ARHGAP24: variants seen among roughly 807,000 people sequenced by gnomAD.
The protein encoded by ARHGAP24 is rho GTPase-activating protein 24.
A neutral mutation model predicts 76.4 loss-of-function variants in ARHGAP24; 50 were observed. That is an observed-to-expected ratio of 0.65 (90% confidence interval 0.52 to 0.83). The LOEUF is 0.83. ARHGAP24 is among the 40% of genes least tolerant of loss of function. The pLI is 0.00. For missense variants in ARHGAP24, 930 were observed against 914.2 expected (o/e 1.02, Z -0.22); for synonymous variants, 345 against 323.3 (o/e 1.07, Z -0.72).
chr4:85,816,619 G>A (rs950950330), intron 3 of ARHGAP24, among the ~76,000 whole-genome samples: 6 of 151,864 alleles, frequency 4.0e-5, no homozygotes, highest in African/African-American at 9.7e-5. Flanking sequence ...AACTATGATC[G>A]TATGGTCATT....
intron 2 of ARHGAP24, among the ~76,000 whole-genome samples, chr4:85,628,333 G>T (rs185309860): frequency 1.3e-5 from 2 of 152,120 alleles, no homozygotes; most frequent in Admixed American, 1.3e-4. Context: ...TCATATTATT[G>T]CAGCTGGAAA....
At chr4:85,513,460 T>C (rs575486753) in intron 1 of ARHGAP24, among the ~76,000 whole-genome samples, 2 of 152,254 alleles carry the variant, frequency 1.3e-5, no homozygotes, top group Non-Finnish European at 2.9e-5. Flanking sequence ...CTTTAAAAAA[T>C]GGGACATCTA....
At chr4:85,552,575 T>C (rs1726181879) in intron 1 of ARHGAP24, among the ~76,000 whole-genome samples, 1 of 152,174 alleles carries the variant, frequency 6.6e-6, no homozygotes, top group South Asian at 2.1e-4. Context: ...ATATTTTTGT[T>C]AACTTTGTGC....
intron 3 of ARHGAP24, among the ~76,000 whole-genome samples, chr4:85,909,218 AAC>A (rs1487053384): frequency 6.6e-6 from 1 of 152,164 alleles, no homozygotes; most frequent in Non-Finnish European, 1.5e-5. Context: ...ACCATAGAGA[AAC>A]ACAGTGATCT....
At chr4:85,998,484 T>C (rs989805169) in intron 9 of ARHGAP24, among the ~76,000 whole-genome samples, 1 of 152,156 alleles carries the variant, frequency 6.6e-6, no homozygotes, top group African/African-American at 2.4e-5. Flanking sequence ...ACAACTTACA[T>C]CTTTACAATT....
chr4:85,972,111 T>G lies in ARHGAP24; in HGVS notation c.675T>G (p.Tyr225Ter). 3 of 1,614,036 alleles carry G rather than the reference T, an allele frequency of 1.9e-6. No homozygotes were observed. Among genetic ancestry groups the G allele is most frequent in the Non-Finnish European group, 8.5e-7 (1 of 1,179,976 alleles). The change falls in exon 6 of 10, where the codon TAT (tyrosine) becomes TAG (stop). Residue 225 changes from tyrosine (Y) to a stop codon, truncating the protein, a stop_gained. Coordinates refer to ENST00000395184, the MANE Select transcript of ARHGAP24 (RefSeq NM_001025616.3). LOFTEE classifies it high-confidence loss of function. ...LRELPEPVIP[Y>*]AKYEDFLSCA... The stretch of plus-strand genomic sequence containing the variant: ...AACTTCCAGAACCAGTTATTCCTTA[T>G]GCGAAGTATGAAGATTTTTTGTCAT...
At chr4:85,935,826 CT>C (rs1338443283) in intron 4 of ARHGAP24, among the ~76,000 whole-genome samples, 1 of 152,184 alleles carries the variant, frequency 6.6e-6, no homozygotes, top group African/African-American at 2.4e-5. Context: ...CCTTGTAACA[CT>C]TTCTTAATCC....
intron 3 of ARHGAP24, among the ~76,000 whole-genome samples, chr4:85,794,620 T>G (rs1318089392): frequency 6.6e-6 from 1 of 152,106 alleles, no homozygotes; most frequent in Non-Finnish European, 1.5e-5. Context: ...GTGGCCAGGA[T>G]TACAGGCATG....
At chr4:85,742,697 C>G (rs1044888678) in intron 3 of ARHGAP24, among the ~76,000 whole-genome samples, 7 of 152,110 alleles carry the variant, frequency 4.6e-5, no homozygotes, top group Non-Finnish European at 1.0e-4. Context: ...TTCTGTGACT[C>G]CAAAGTATGT....
At chr4:85,818,714 A>G (rs1729346979) in intron 3 of ARHGAP24, among the ~76,000 whole-genome samples, 1 of 152,160 alleles carries the variant, frequency 6.6e-6, no homozygotes, top group Admixed American at 6.5e-5. Flanking sequence ...GTTTTAGATA[A>G]TATATATTTT....
chr4:85,618,719 C>T (rs187198463), intron 2 of ARHGAP24, among the ~76,000 whole-genome samples: 1 of 152,104 alleles, frequency 6.6e-6, no homozygotes, highest in Admixed American at 6.6e-5. Context: ...TTGCACTTCC[C>T]TGATGACAAG....
chr4:85,887,464 G>A (rs1432069479), intron 3 of ARHGAP24, among the ~76,000 whole-genome samples: 1 of 152,126 alleles, frequency 6.6e-6, no homozygotes, highest in Non-Finnish European at 1.5e-5. Context: ...AAAAGAGTAA[G>A]AGACTGAGAA....
intron 2 of ARHGAP24, among the ~76,000 whole-genome samples, chr4:85,710,713 T>C (rs1724494196): frequency 6.6e-6 from 1 of 152,060 alleles, no homozygotes; most frequent in Non-Finnish European, 1.5e-5. Flanking sequence ...AAAATACAGG[T>C]CGACATCACT....
At chr4:85,684,831 G>T (rs1462832160) in intron 2 of ARHGAP24, among the ~76,000 whole-genome samples, 1 of 152,176 alleles carries the variant, frequency 6.6e-6, no homozygotes, top group Non-Finnish European at 1.5e-5. Flanking sequence ...GCAACAGAGA[G>T]TCTGAGAGTC....
chr4:85,574,779 G>A (rs1185776715), intron 2 of ARHGAP24, among the ~76,000 whole-genome samples: 1 of 152,092 alleles, frequency 6.6e-6, no homozygotes, highest in East Asian at 1.9e-4. Context: ...AATTTTTATT[G>A]CTATGAGAAC....
At chr4:85,922,722 G>A (rs768910677) in intron 3 of ARHGAP24, among the ~76,000 whole-genome samples, 2 of 152,080 alleles carry the variant, frequency 1.3e-5, no homozygotes, top group East Asian at 3.9e-4. Context: ...AAGGTATAAC[G>A]AAACCATGCC....
In ARHGAP24 at chr4:85,550,394, C is replaced by A. The variant is rs141424654; in HGVS notation, c.-20-20128C>A. Among the ~76,000 whole-genome samples the A allele has an allele frequency of 7.6e-4, 116 of 152,156 alleles. 1 individual carries two copies. The highest frequency in any genetic ancestry group is 2.6e-3 in the African/African-American group (108 of 41,504). Reference sequence around the variant, plus strand: ...TATTTTTGGGCTCTCTATTCTGTTCCGTTGGTCTATGTATCTGTTTTTGTA... The same window carrying A: ...TATTTTTGGGCTCTCTATTCTGTTCAGTTGGTCTATGTATCTGTTTTTGTA... On this transcript the variant is annotated intron_variant, in intron 1 of 9. Transcript: ENST00000395184.
At chr4:85,746,343 T>G (rs1323742423) in intron 3 of ARHGAP24, among the ~76,000 whole-genome samples, 1 of 152,236 alleles carries the variant, frequency 6.6e-6, no homozygotes, top group Non-Finnish European at 1.5e-5. Context: ...TGATTCTTCA[T>G]GACTTCTTCA....
rs186270313 is a variant in ARHGAP24 at position 85,666,470 on chromosome 4, C to T, written c.181-55415C>T. ...TCCTGTAGCTCAGAGTAATTTTGAT[C>T]GTCTGAAGCCTTCTTCTCTCAACTC... On this transcript the variant is annotated intron_variant, in intron 2 of 9. Transcript: ENST00000395184. Among the ~76,000 whole-genome samples, 23 of 152,268 alleles carry T rather than the reference C, an allele frequency of 1.5e-4. No homozygotes were observed. In the East Asian group the frequency reaches 3.9e-3, roughly 26 times the overall value.
Sources: gnomAD v4.1 joint callset for allele counts (sites outside exome capture counted in the v4.1 genomes callset) on GRCh38, gnomAD v4.1.1 for gene constraint, MANE v1.5 for transcripts, NCBI Gene and HGNC (gene_info 2026-07-23, HGNC 2026-07-21) for gene names.